Variants in HEATR5A observed in about 807,000 individuals in gnomAD.
HEATR5A encodes the protein HEAT repeat-containing protein 5A.
A neutral mutation model predicts 218.8 loss-of-function variants in HEATR5A; 178 were observed. The ratio of observed to expected loss-of-function variants is 0.81; its 90% confidence interval spans 0.72 to 0.92. The LOEUF is 0.92. HEATR5A is among the 40% of genes least tolerant of loss of function. The pLI is 0.00. For synonymous variants in HEATR5A, 864 were observed against 871.6 expected, an observed-to-expected ratio of 0.99 and a Z score of 0.15; for missense variants, 2,420 against 2,418.9, an observed-to-expected ratio of 1.00 and a Z score of -0.01.
chr14:31,405,721 A>C (rs1566784743), intron 1 of HEATR5A, among the ~76,000 whole-genome samples: 1 of 152,210 alleles, frequency 6.6e-6, no homozygotes, highest in Non-Finnish European at 1.5e-5. Context: ...TTTCTTATTA[A>C]TACCAGGGCA....
intron 22 of HEATR5A, among the ~76,000 whole-genome samples, chr14:31,336,376 G>C (rs1369818996): frequency 1.3e-5 from 2 of 151,260 alleles, no homozygotes; most frequent in Admixed American, 6.6e-5. Flanking sequence ...TTACAAGCAT[G>C]AGCTAGTGTG....
chr14:31,291,834 G>A lies in HEATR5A; in HGVS notation c.*1471C>T, dbSNP rs1386426809. On this transcript the variant is annotated 3_prime_UTR_variant, in exon 36 of 36. Coordinates refer to ENST00000543095, the MANE Select transcript of HEATR5A (RefSeq NM_015473.4). ...TTTATGTAATTTAGAAAAAATGATT[G>A]TAGTGTTAGAGTTTGTCAAATGTTT... 1.3e-5 allele frequency: 2 copies of A among 152,180 alleles called. No individual in the cohort carries two copies. The highest frequency in any genetic ancestry group is 6.5e-5 in the Admixed American group (1 of 15,278). The allele number at this position is 152,180 out of a possible 1,614,324, so 9.4% of individuals were successfully genotyped here.
intron 6 of HEATR5A, among the ~76,000 whole-genome samples, chr14:31,393,695 C>T (rs1321187517): frequency 6.6e-6 from 1 of 151,744 alleles, no homozygotes; most frequent in Non-Finnish European, 1.5e-5. Flanking sequence ...CTTTGTTGTC[C>T]AGGCTGAGAT....
At chr14:31,404,756 A>T (rs1382106968) in intron 1 of HEATR5A, among the ~76,000 whole-genome samples, 2 of 152,050 alleles carry the variant, frequency 1.3e-5, no homozygotes, top group Admixed American at 1.3e-4. Flanking sequence ...TCTACAAAAA[A>T]TTTAAAAATT....
Position 31,398,767 on chromosome 14 carries a change from C to A in HEATR5A, c.353G>T (p.Cys118Phe). 1 of 1,521,528 alleles carries A rather than the reference C, an allele frequency of 6.6e-7. No individual in the cohort carries two copies. The highest frequency in any genetic ancestry group is 1.4e-5 in the African/African-American group (1 of 72,850). The allele number at this position is 1,521,528 out of a possible 1,614,324, so 94.3% of individuals were successfully genotyped here. The stretch of plus-strand genomic sequence containing the variant: ...CAACTTCTTGTACAAGGAACCCAAA[C>A]ATACCACAGCAGCACTGAAACAACA... ...YLPTKLAAVV[C>F]LGSLYKKLGR... Residue 118 changes from cysteine (C) to phenylalanine (F), a missense_variant, in exon 4 of 36, where the codon TGT becomes TTT. Coordinates refer to ENST00000543095, the MANE Select transcript of HEATR5A (RefSeq NM_015473.4).
intron 31 of HEATR5A, 78 bp downstream of exon 31, chr14:31,306,654 C>G: frequency 7.3e-7 from 1 of 1,370,328 alleles, no homozygotes; most frequent in East Asian, 2.5e-5. Flanking sequence ...ATTATCAAAA[C>G]TATATAGATA....
In HEATR5A at chr14:31,321,114, C is replaced by T. The variant is rs534783433; in HGVS notation, c.3969+385G>A. ...TTCCTTCCTCTCTTCCTTTCTCTTT[C>T]CCCCTTTCTTCTTCCTCTTTTTTAA... On this transcript the variant is annotated intron_variant, in intron 25 of 35. Coordinates refer to ENST00000543095, the MANE Select transcript of HEATR5A (RefSeq NM_015473.4). 2.1e-3 allele frequency among the ~76,000 whole-genome samples: 325 copies of T among 151,962 alleles called. 1 individual carries two copies. The highest frequency in any genetic ancestry group is 7.3e-3 in the African/African-American group (304 of 41,474).
At chr14:31,335,715 G>A (rs1436810370) in intron 22 of HEATR5A, among the ~76,000 whole-genome samples, 2 of 152,060 alleles carry the variant, frequency 1.3e-5, no homozygotes, top group African/African-American at 2.4e-5. Flanking sequence ...GTGCAGTGGT[G>A]CAATTTCGGC....
At chr14:31,384,444 G>T (rs1479297250) in intron 9 of HEATR5A, among the ~76,000 whole-genome samples, 1 of 112,854 alleles carries the variant, frequency 8.9e-6, no homozygotes, top group South Asian at 2.8e-4. Context: ...ACCCTGCCTT[G>T]AAAAAAAAAA....
At chr14:31,299,852 G>C (rs147929593) in intron 33 of HEATR5A, among the ~76,000 whole-genome samples, 5,127 of 150,758 alleles carry the variant, frequency 0.034, 273 homozygotes, top group African/African-American at 0.12. Flanking sequence ...CCAACATGGT[G>C]AAACCGTCTC....
At chr14:31,395,132 T>G in intron 5 of HEATR5A, 67 bp downstream of exon 5, 2 of 1,100,620 alleles carry the variant, frequency 1.8e-6, no homozygotes, top group South Asian at 2.1e-5. Context: ...TACTAATGCT[T>G]TCACAAAGAA....
At position 31,386,466 on chromosome 14, in the gene HEATR5A, G is replaced by T. The variant is rs1281414716; in HGVS notation, c.1299C>A (p.His433Gln). Residue 433 changes from histidine to glutamine, a missense_variant, in exon 9 of 36, where the codon CAC (histidine) becomes CAA (glutamine). Coordinates refer to ENST00000543095, the MANE Select transcript of HEATR5A (RefSeq NM_015473.4). ...CALQELGNLI[H>Q]NLGTTAAPLL... ...AAGGTGCCGCTGTGGTGCCAAGATT[G>T]TGTATGAGATTTCCAAGTTCTTGTA... 1 of 1,613,776 alleles carries T rather than the reference G, an allele frequency of 6.2e-7. No individual in the cohort carries two copies. The highest frequency in any genetic ancestry group is 8.5e-7 in the Non-Finnish European group (1 of 1,179,800).
chr14:31,409,627 G>A (rs991388728), intron 1 of HEATR5A, among the ~76,000 whole-genome samples: 1 of 152,114 alleles, frequency 6.6e-6, no homozygotes, highest in African/African-American at 2.4e-5. Flanking sequence ...TTGAGATAGG[G>A]AGATGGAGGC....
chr14:31,397,396 G>A (rs1351006417), intron 4 of HEATR5A, among the ~76,000 whole-genome samples: 1 of 151,852 alleles, frequency 6.6e-6, no homozygotes, highest in Non-Finnish European at 1.5e-5. Context: ...GGTGGCTCAT[G>A]CCTGTAATCC....
chr14:31,326,049 A>G (rs1566754949), intron 23 of HEATR5A, 114 bp downstream of exon 23: 7 of 731,370 alleles, frequency 9.6e-6, no homozygotes, highest in South Asian at 5.0e-5. Context: ...CAACAATCAG[A>G]CAGTCAGAAT....
chr14:31,382,669 G>A (rs1379004012), intron 10 of HEATR5A, among the ~76,000 whole-genome samples: 1 of 151,444 alleles, frequency 6.6e-6, no homozygotes, highest in Non-Finnish European at 1.5e-5. Flanking sequence ...CTAGGTTTGT[G>A]TCATTTATTT....
intron 1 of HEATR5A, among the ~76,000 whole-genome samples, chr14:31,414,347 A>G (rs1413012299): frequency 6.6e-6 from 1 of 152,222 alleles, no homozygotes; most frequent in East Asian, 1.9e-4. Flanking sequence ...TTACTGACAT[A>G]AATCCATCAA....
At chr14:31,297,774 T>G (rs1232765898) in intron 33 of HEATR5A, 1 of 152,206 alleles carries the variant, frequency 6.6e-6, no homozygotes, top group African/African-American at 2.4e-5. Context: ...ATGAGGTAGG[T>G]ACTCTTATTA....
chr14:31,386,052 T>C (rs2030206933), intron 9 of HEATR5A, among the ~76,000 whole-genome samples: 1 of 152,186 alleles, frequency 6.6e-6, no homozygotes, highest in Non-Finnish European at 1.5e-5. Context: ...ATAAAGCTAT[T>C]ATAAAGTGAT....
Sources: allele counts gnomAD v4.1 joint callset (sites outside exome capture counted in the v4.1 genomes callset), GRCh38; gene constraint gnomAD v4.1.1; transcripts MANE v1.5; gene names NCBI Gene and HGNC (gene_info 2026-07-23, HGNC 2026-07-21).